Variants in MDGA2 observed in about 807,000 individuals in gnomAD.
MDGA2 encodes the protein MAM domain containing glycosylphosphatidylinositol anchor 2.
A neutral mutation model predicts 117.8 loss-of-function variants in MDGA2; 40 were observed. The observed-to-expected ratio is 0.34, with a 90% CI of 0.26 to 0.44. The LOEUF is 0.44. Among genes scored for constraint, MDGA2 ranks in the 20% least tolerant of loss-of-function variants. The probability of loss-of-function intolerance (pLI) is 1.00; values close to 1 mark genes in which losing one functional copy is unlikely to be tolerated. For missense variants in MDGA2, 1,123 were observed against 1,250.6 expected, an observed-to-expected ratio of 0.90 and a Z score of 1.54; for synonymous variants, 452 against 439.0, an observed-to-expected ratio of 1.03 and a Z score of -0.37.
intron 3 of MDGA2, among the ~76,000 whole-genome samples, chr14:47,182,238 A>G (rs906049229): frequency 5.9e-5 from 9 of 152,042 alleles, no homozygotes; most frequent in Admixed American, 6.6e-5. Context: ...GGCAGTTTTA[A>G]TCCTATTGCA....
chr14:47,217,627 A>T (rs1186627426), intron 3 of MDGA2, among the ~76,000 whole-genome samples: 3 of 152,052 alleles, frequency 2.0e-5, no homozygotes, highest in African/African-American at 7.2e-5. Context: ...AGCTGTATTC[A>T]CATGTAGGTA....
chr14:47,149,986 C>G (rs1883098238), intron 3 of MDGA2, among the ~76,000 whole-genome samples: 1 of 152,148 alleles, frequency 6.6e-6, no homozygotes, highest in Admixed American at 6.6e-5. Context: ...CCCAACAATT[C>G]CAGAGCCAAG....
intron 14 of MDGA2, among the ~76,000 whole-genome samples, chr14:46,869,608 A>C (rs1247228843): frequency 6.6e-6 from 1 of 151,846 alleles, no homozygotes; most frequent in African/African-American, 2.4e-5. Context: ...GCAGAGCTCA[A>C]CTCAACCTAG....
intron 1 of MDGA2, among the ~76,000 whole-genome samples, chr14:47,502,689 G>C (rs372120971): frequency 4.6e-5 from 7 of 151,960 alleles, no homozygotes; most frequent in African/African-American, 1.7e-4. Flanking sequence ...TTTTGGGGGG[G>C]ACAGAGTCTC....
chr14:46,999,002 T>TA (rs1458714430), intron 8 of MDGA2, among the ~76,000 whole-genome samples: 1 of 152,090 alleles, frequency 6.6e-6, no homozygotes. Context: ...TACTTGTCAA[T>TA]AAAATGATAA....
chr14:47,175,542 C>T lies in MDGA2; in HGVS notation c.596-31268G>A, dbSNP rs866581318. On this transcript the variant is annotated intron_variant, in intron 3 of 16. Coordinates refer to ENST00000399232, the MANE Select transcript of MDGA2 (RefSeq NM_001113498.3). ...TCCAGCATATAAACAGAACCAAAGA[C>T]AAAAACCACATGATTATCTCAATAG... 2.7e-3 allele frequency among the ~76,000 whole-genome samples: 410 copies of T among 151,630 alleles called. 3 individuals carry two copies. Among genetic ancestry groups the T allele is most frequent in the African/African-American group, 9.7e-3 (399 of 41,204 alleles).
intron 1 of MDGA2, among the ~76,000 whole-genome samples, chr14:47,646,545 G>A (rs1012038399): frequency 6.6e-6 from 1 of 152,072 alleles, no homozygotes. Context: ...GGTGAACTTG[G>A]ATATGTTATT....
intron 1 of MDGA2, among the ~76,000 whole-genome samples, chr14:47,380,453 A>C (rs1276901418): frequency 1.3e-5 from 2 of 150,546 alleles, no homozygotes; most frequent in Non-Finnish European, 2.9e-5. Flanking sequence ...GAAACGATCA[A>C]CAAAATTGAC....
At chr14:47,108,799 T>C (rs139161757) in intron 5 of MDGA2, among the ~76,000 whole-genome samples, 35 of 152,072 alleles carry the variant, frequency 2.3e-4, no homozygotes, top group African/African-American at 7.0e-4. Flanking sequence ...ACAATATAAA[T>C]AGAAAAGCTA....
At chr14:46,843,677 T>C (rs1880705968) in intron 16 of MDGA2, among the ~76,000 whole-genome samples, 1 of 152,132 alleles carries the variant, frequency 6.6e-6, no homozygotes, top group African/African-American at 2.4e-5. Context: ...CTTTTGACAA[T>C]ACTTAAGAAT....
At chr14:47,177,550 G>C (rs1215831065) in intron 3 of MDGA2, among the ~76,000 whole-genome samples, 1 of 152,048 alleles carries the variant, frequency 6.6e-6, no homozygotes, top group Non-Finnish European at 1.5e-5. Flanking sequence ...CTATTGCAAG[G>C]ACAAAAATCA....
At chr14:47,054,132 G>C (rs1954245) in intron 7 of MDGA2, among the ~76,000 whole-genome samples, 49,148 of 151,730 alleles carry the variant, frequency 0.32, 8,608 homozygotes, top group East Asian at 0.52. Context: ...CTATCTATCT[G>C]TCCAACTGAA....
chr14:47,131,640 TAA>T, intron 5 of MDGA2, 72 bp downstream of exon 5: 18 of 1,258,894 alleles, frequency 1.4e-5, no homozygotes, highest in Non-Finnish European at 1.9e-5. Flanking sequence ...ATTTGGTCTT[TAA>T]AAAAGTTAAA....
chr14:47,485,659 G>T (rs1894045299), intron 1 of MDGA2, among the ~76,000 whole-genome samples: 1 of 152,080 alleles, frequency 6.6e-6, no homozygotes. Context: ...TGGTTTCTTG[G>T]GCTGGGCTCA....
chr14:47,009,838 C>T (rs772014983), intron 8 of MDGA2, among the ~76,000 whole-genome samples: 1 of 151,994 alleles, frequency 6.6e-6, no homozygotes, highest in Non-Finnish European at 1.5e-5. Context: ...CCCTTGCGTC[C>T]GAGCTGTGCC....
chr14:47,458,240 CA>C (rs1184475758), intron 1 of MDGA2, among the ~76,000 whole-genome samples: 1 of 152,048 alleles, frequency 6.6e-6, no homozygotes, highest in Non-Finnish European at 1.5e-5. Flanking sequence ...TTGCCTTTTT[CA>C]CTTTGTTGGT....
intron 1 of MDGA2, among the ~76,000 whole-genome samples, chr14:47,373,333 C>T (rs1038189159): frequency 9.9e-5 from 15 of 151,544 alleles, no homozygotes; most frequent in Non-Finnish European, 1.8e-4. Context: ...GGTATATATC[C>T]AAGAGAAATG....
At chr14:47,244,912 C>G (rs111762105) in intron 2 of MDGA2, among the ~76,000 whole-genome samples, 3,619 of 151,932 alleles carry the variant, frequency 0.024, 141 homozygotes, top group Non-Finnish European at 0.038. Flanking sequence ...CTCTCTTCCT[C>G]CTCAGCCTAC....
chr14:47,129,703 C>T (rs1421205676), intron 5 of MDGA2, among the ~76,000 whole-genome samples: 202 of 145,722 alleles, frequency 1.4e-3, no homozygotes, highest in African/African-American at 4.9e-3. Flanking sequence ...TTTACAGTCC[C>T]ACCAACAGTG....
Sources: gnomAD v4.1 joint callset for allele counts (sites outside exome capture counted in the v4.1 genomes callset) on GRCh38, gnomAD v4.1.1 for gene constraint, MANE v1.5 for transcripts, NCBI Gene and HGNC (gene_info 2026-07-23, HGNC 2026-07-21) for gene names.